The following HOMER2 variants were observed in gnomAD, a reference collection of about 807,000 sequenced individuals.
HOMER2 encodes the protein homer protein homolog 2.
Under a neutral mutation model 47.0 loss-of-function variants are expected in HOMER2, and 27 were observed. The ratio of observed to expected loss-of-function variants is 0.57; its 90% CI spans 0.42 to 0.79. The LOEUF is 0.79. HOMER2 is among the 30% of genes least tolerant of loss of function. The pLI is 0.00. For missense variants in HOMER2, 443 were observed against 435.0 expected (o/e 1.02, Z -0.16); for synonymous variants, 161 against 163.8 (o/e 0.98, Z 0.13).
chr15:82,852,202 C>T lies in HOMER2; in HGVS notation c.702G>A (p.Lys234=), dbSNP rs369058288. 2.5e-6 allele frequency: 4 copies of T among 1,613,984 alleles called. No individual in the cohort carries two copies. In the South Asian group the frequency reaches 4.4e-5, roughly 18 times the overall value. Residue 234 remains lysine (K), a synonymous_variant, in exon 7 of 9, where the codon AAG becomes AAA. Coordinates refer to ENST00000450735, the MANE Select transcript of HOMER2 (RefSeq NM_004839.4). ...QCSEINREKE[K]NTQLKRRIEE... is the part of the protein sequence containing the mutation. The stretch of plus-strand genomic sequence containing the variant: ...CGATCCTCCTCTTCAGCTGCGTGTT[C>T]TTCTCCTTCTCTCTGTTGATCTCAC...
chr15:82,897,341 G>C (rs926907859), intron 1 of HOMER2, among the ~76,000 whole-genome samples: 2 of 152,062 alleles, frequency 1.3e-5, no homozygotes, highest in Non-Finnish European at 2.9e-5. Context: ...TGGGATTACA[G>C]GCTTGAGCCA....
In HOMER2 at chr15:82,880,362, G is replaced by C. The variant is rs544380997; in HGVS notation, c.163-4958C>G. Among the ~76,000 whole-genome samples the C allele has an allele frequency of 2.6e-5, 4 of 152,328 alleles. No individual in the cohort carries two copies. In the South Asian group the frequency reaches 8.3e-4, roughly 32 times the overall value. ...ACATGTGGCAAAACTATGCAGAAAAGCAAGGGAATGCTTAATACACTCTTA... is the reference window on the plus strand; with the variant it reads ...ACATGTGGCAAAACTATGCAGAAAACCAAGGGAATGCTTAATACACTCTTA... On this transcript the variant is annotated intron_variant, in intron 2 of 8. Coordinates refer to ENST00000450735, the MANE Select transcript of HOMER2 (RefSeq NM_004839.4).
intron 1 of HOMER2, among the ~76,000 whole-genome samples, chr15:82,924,291 A>G (rs1472652338): frequency 1.3e-5 from 2 of 151,496 alleles, no homozygotes; most frequent in African/African-American, 2.4e-5. Context: ...AAAAGGTTCA[A>G]TGCTTGACTT....
rs775344273 is a variant in HOMER2, at chr15:82,914,870, C to A, written c.6-22029G>T. Reference sequence around the variant, plus strand: ...CAGCTCAATGGCACCAAAGAGAAACCTGCAAAGGGCGTGCATTTAGAGGAC... The same window carrying A: ...CAGCTCAATGGCACCAAAGAGAAACATGCAAAGGGCGTGCATTTAGAGGAC... On this transcript the variant is annotated intron_variant, in intron 1 of 8. Transcript: ENST00000450735. 3.2e-4 allele frequency among the ~76,000 whole-genome samples: 48 copies of A among 152,204 alleles called. 1 individual carries two copies. Among genetic ancestry groups the A allele is most frequent in the Middle Eastern group, 6.8e-3 (2 of 294 alleles).
chr15:82,914,636 G>A (rs1283746164), intron 1 of HOMER2, among the ~76,000 whole-genome samples: 1 of 152,108 alleles, frequency 6.6e-6, no homozygotes, highest in Non-Finnish European at 1.5e-5. Flanking sequence ...ATGGAGAGTA[G>A]TGATGGCTAC....
chr15:82,894,619 T>C lies in HOMER2; in HGVS notation c.6-1778A>G, dbSNP rs1186772190. 2.9e-5 allele frequency among the ~76,000 whole-genome samples: 4 copies of C among 138,774 alleles called. No individual in the cohort carries two copies. The East Asian group carries it at 8.5e-4, about 29-fold the overall frequency. 91.0% of individuals were successfully genotyped at this position (138,774 alleles called of 152,430 possible). A position where few individuals can be genotyped will look rare whatever the true frequency, so the allele number is the denominator to read the frequency against. On this transcript the variant is annotated intron_variant, in intron 1 of 8. Transcript: ENST00000450735. ...CCGGGAGGCAGAGCTTGCAGTGAGC[T>C]GAGATCACACCACTGCACTCCAGCC...
chr15:82,874,064 G>C (rs1297198571), intron 3 of HOMER2, among the ~76,000 whole-genome samples: 5 of 152,184 alleles, frequency 3.3e-5, no homozygotes, highest in African/African-American at 1.2e-4. Context: ...GTCTGTTCTA[G>C]GCAACTCTGT....
intron 1 of HOMER2, among the ~76,000 whole-genome samples, chr15:82,949,007 C>T (rs1225828806): frequency 6.6e-6 from 1 of 152,130 alleles, no homozygotes; most frequent in Non-Finnish European, 1.5e-5. Context: ...GAATGCACTC[C>T]AGATATATCC....
intron 3 of HOMER2, among the ~76,000 whole-genome samples, chr15:82,872,726 C>T (rs187235240): frequency 1.3e-5 from 2 of 149,350 alleles, no homozygotes; most frequent in Admixed American, 6.6e-5. Flanking sequence ...GGGCAGACGA[C>T]GGAAAAGGGA....
At chr15:82,876,155 T>G (rs2052344065) in intron 2 of HOMER2, among the ~76,000 whole-genome samples, 1 of 152,132 alleles carries the variant, frequency 6.6e-6, no homozygotes, top group South Asian at 2.1e-4. Context: ...CACCCTCGCC[T>G]CTCTCCCTTT....
At chr15:82,851,095 A>G in intron 8 of HOMER2, 56 bp downstream of exon 8, 1 of 1,104,210 alleles carries the variant, frequency 9.1e-7, no homozygotes, top group Non-Finnish European at 1.3e-6. Flanking sequence ...AATGAGTACC[A>G]TGACATTTGT....
At chr15:82,911,133 A>G (rs1039915735) in intron 1 of HOMER2, among the ~76,000 whole-genome samples, 3 of 152,232 alleles carry the variant, frequency 2.0e-5, no homozygotes, top group Non-Finnish European at 4.4e-5. Context: ...TTGCCACCTT[A>G]GACAGCTCAA....
At chr15:82,957,971 C>T (rs182848496), downstream of HOMER2, among the ~76,000 whole-genome samples, 131 of 152,228 alleles carry the variant, frequency 8.6e-4, no homozygotes, top group East Asian at 5.8e-3. Context: ...CCAAGTAGCT[C>T]GGATTAGAGG....
intron 5 of HOMER2, among the ~76,000 whole-genome samples, chr15:82,858,193 A>C (rs1252975406): frequency 1.3e-5 from 2 of 152,202 alleles, no homozygotes; most frequent in Admixed American, 1.3e-4. Context: ...TATATATTCC[A>C]CATGACTTTT....
At chr15:82,902,939 T>C (rs760684720) in intron 1 of HOMER2, among the ~76,000 whole-genome samples, 4 of 152,268 alleles carry the variant, frequency 2.6e-5, no homozygotes, top group Non-Finnish European at 5.9e-5. Flanking sequence ...AATTAATTCA[T>C]CTGTGAGACC....
intron 1 of HOMER2, chr15:82,951,877 C>T (rs2054513072): frequency 5.7e-6 from 1 of 173,958 alleles, no homozygotes; most frequent in Admixed American, 6.5e-5. Flanking sequence ...ACTCACAGAG[C>T]CTACTGCTCA....
At chr15:82,854,858 C>T in intron 5 of HOMER2, 58 bp from the exon 6 acceptor site, 1 of 1,565,330 alleles carries the variant, frequency 6.4e-7, no homozygotes, top group Non-Finnish European at 8.6e-7. Flanking sequence ...CTGGCTCCGC[C>T]CGCGTGGGGA....
At chr15:82,933,934 C>T (rs2151201964) in intron 1 of HOMER2, among the ~76,000 whole-genome samples, 1 of 152,282 alleles carries the variant, frequency 6.6e-6, no homozygotes, top group East Asian at 1.9e-4. Context: ...CCCTGCCACC[C>T]AGCAACACGC....
At chr15:82,935,285 C>A (rs1287018947) in intron 1 of HOMER2, among the ~76,000 whole-genome samples, 2 of 152,176 alleles carry the variant, frequency 1.3e-5, no homozygotes, top group Non-Finnish European at 2.9e-5. Flanking sequence ...GGACCCATCT[C>A]AGCAGTGCTC....
Sources: allele counts gnomAD v4.1 joint callset (sites outside exome capture counted in the v4.1 genomes callset), GRCh38; gene constraint gnomAD v4.1.1; transcripts MANE v1.5; gene names NCBI Gene and HGNC (gene_info 2026-07-23, HGNC 2026-07-21).